The following DOCK3 variants were observed in gnomAD, a reference collection of about 807,000 sequenced individuals.
DOCK3 encodes dedicator of cytokinesis protein 3.
DOCK3 carries 60 observed loss-of-function variants against 265.6 expected under a neutral mutation model. The observed-to-expected ratio is 0.23, with a 90% CI of 0.18 to 0.28. DOCK3 has a LOEUF of 0.28. DOCK3 is among the 10% of genes least tolerant of loss of function. DOCK3 has a pLI of 1.00. For missense variants in DOCK3, 1,981 were observed against 2,594.3 expected (o/e 0.76, Z 5.14); for synonymous variants, 881 against 938.0 (o/e 0.94, Z 1.11).
At position 51,351,651 on chromosome 3, in the gene DOCK3, CTTTTTT is replaced by C. The variant is rs150338641; in HGVS notation, c.4107+1276_4107+1281del. On this transcript the variant is annotated intron_variant, in intron 40 of 52. Transcript: ENST00000266037. ...AGCAGAATGGGAATGAGTAGAGAGACTTTTTTTTTTTTTTTTTTTTTTGAGACAGAG... is the reference window on the plus strand; with the variant it reads ...AGCAGAATGGGAATGAGTAGAGAGACTTTTTTTTTTTTTTTTGAGACAGAG... Among the ~76,000 whole-genome samples the C allele has an allele frequency of 8.3e-4, 79 of 95,720 alleles. 1 individual carries two copies. Among genetic ancestry groups the C allele is most frequent in the Non-Finnish European group, 8.0e-4 (38 of 47,732 alleles). 62.8% of individuals were successfully genotyped at this position (95,720 alleles called of 152,430 possible). A position where few individuals can be genotyped will look rare whatever the true frequency, so the allele number is the denominator to read the frequency against.
intron 38 of DOCK3, among the ~76,000 whole-genome samples, chr3:51,347,273 G>C (rs1258981616): frequency 1.3e-5 from 2 of 152,064 alleles, no homozygotes; most frequent in African/African-American, 4.8e-5. Flanking sequence ...ATGGTTTTAG[G>C]CTAACATTTA....
chr3:51,168,990 A>G (rs2086543325), intron 12 of DOCK3, among the ~76,000 whole-genome samples: 1 of 151,404 alleles, frequency 6.6e-6, no homozygotes, highest in South Asian at 2.1e-4. Context: ...AAAAAAAGCT[A>G]AACATCACTG....
At chr3:50,737,427 T>A (rs2038710006) in intron 1 of DOCK3, among the ~76,000 whole-genome samples, 1 of 152,146 alleles carries the variant, frequency 6.6e-6, no homozygotes, top group Non-Finnish European at 1.5e-5. Flanking sequence ...TAAACTGTTC[T>A]TGAAGGATCC....
intron 2 of DOCK3, among the ~76,000 whole-genome samples, chr3:50,803,428 A>G (rs1423063053): frequency 6.6e-6 from 1 of 152,104 alleles, no homozygotes; most frequent in African/African-American, 2.4e-5. Context: ...AGGCAGAAGA[A>G]TTTTTCTTAG....
intron 1 of DOCK3, chr3:50,685,540 A>T (rs1036326102): frequency 1.3e-5 from 2 of 152,866 alleles, no homozygotes; most frequent in African/African-American, 4.8e-5. Context: ...CATCTATAGG[A>T]AAATTGCTAG....
intron 5 of DOCK3, among the ~76,000 whole-genome samples, chr3:50,945,255 A>C (rs1220590503): frequency 1.3e-5 from 2 of 152,120 alleles, no homozygotes; most frequent in Non-Finnish European, 2.9e-5. Context: ...TATTATTAGA[A>C]TTTTTGCTTT....
Position 50,925,890 on chromosome 3 carries a change from G to C in DOCK3, c.219-8091G>C, listed in dbSNP as rs1334217137. Among the ~76,000 whole-genome samples the C allele has an allele frequency of 4.4e-5, 6 of 135,972 alleles. No homozygotes were observed. The Admixed American group carries it at 4.7e-4, about 11-fold the overall frequency. The allele number at this position is 135,972 out of a possible 152,430, so 89.2% of individuals were successfully genotyped here. A position where few individuals can be genotyped will look rare whatever the true frequency, so the allele number is the denominator to read the frequency against. Reference sequence around the variant, plus strand: ...CTGTCGCCCAGGCTGGAGTGCAAATGACACAATCTTGGCTTACTGCTACCT... The same window carrying C: ...CTGTCGCCCAGGCTGGAGTGCAAATCACACAATCTTGGCTTACTGCTACCT... On this transcript the variant is annotated intron_variant, in intron 4 of 52. Transcript: ENST00000266037.
At position 51,356,400 on chromosome 3, in the gene DOCK3, C is replaced by T; in HGVS notation, c.4417-7C>T. The T allele has an allele frequency of 6.2e-7, 1 of 1,613,698 alleles. No individual in the cohort carries two copies. Among genetic ancestry groups the T allele is most frequent in the Non-Finnish European group, 8.5e-7 (1 of 1,179,836 alleles). On this transcript the variant is annotated splice_region_variant and splice_polypyrimidine_tract_variant and intron_variant, in intron 42 of 52. Coordinates refer to ENST00000266037, the MANE Select transcript of DOCK3 (RefSeq NM_004947.5). ...ACTGCCCATACCTGCCTGTTCCCTCCCTACAGAGCCTGTGGATTGAACGTA... is the reference window on the plus strand; with the variant it reads ...ACTGCCCATACCTGCCTGTTCCCTCTCTACAGAGCCTGTGGATTGAACGTA...
intron 2 of DOCK3, among the ~76,000 whole-genome samples, chr3:50,833,611 A>G (rs2045325357): frequency 6.6e-6 from 1 of 152,120 alleles, no homozygotes; most frequent in South Asian, 2.1e-4. Flanking sequence ...CCTTTCAGGA[A>G]TTGACATTCT....
intron 25 of DOCK3, among the ~76,000 whole-genome samples, chr3:51,276,076 A>G (rs891632342): frequency 6.6e-6 from 1 of 152,234 alleles, no homozygotes; most frequent in Non-Finnish European, 1.5e-5. Context: ...GCCAGGTGAT[A>G]AGAATATACA....
At chr3:50,761,443 G>A (rs956359728) in intron 1 of DOCK3, among the ~76,000 whole-genome samples, 5 of 152,158 alleles carry the variant, frequency 3.3e-5, no homozygotes, top group Non-Finnish European at 7.3e-5. Flanking sequence ...TGCTTTGAAA[G>A]TGGGCTGCAG....
intron 33 of DOCK3, among the ~76,000 whole-genome samples, chr3:51,330,483 T>G (rs2084441705): frequency 6.6e-6 from 1 of 152,234 alleles, no homozygotes; most frequent in African/African-American, 2.4e-5. Flanking sequence ...GATCATTGCG[T>G]GTCTTCATAA....
rs374385144 is a variant in DOCK3 at position 51,356,465 on chromosome 3, G to A, written c.4475G>A (p.Arg1492Gln). The A allele has an allele frequency of 9.3e-6, 15 of 1,613,464 alleles. No homozygotes were observed. In the African/African-American group the frequency reaches 9.3e-5, roughly 10 times the overall value. Residue 1492 changes from arginine to glutamine, a missense_variant, in exon 43 of 53, where the codon CGG becomes CAG. Around this residue, in one of 4 missense-constraint regions of DOCK3, gnomAD observed 1,357 missense variants for 1,866.8 expected, o/e 0.73. Transcript: ENST00000266037. ...ACCCACAGCTTGCCTGGCATCTCTC[G>A]GTGGTTTGAAGTGGAGAGGAGGGAA... Reference protein sequence around the residue: ...TLTHSLPGISRWFEVERRELV... With the variant: ...TLTHSLPGISQWFEVERRELV...
chr3:50,786,307 C>T (rs1038159418), intron 2 of DOCK3, among the ~76,000 whole-genome samples: 4 of 152,062 alleles, frequency 2.6e-5, no homozygotes. Context: ...TTGAAACTTA[C>T]AAAAGTCACC....
At chr3:50,969,905 C>G (rs1227877786) in intron 5 of DOCK3, among the ~76,000 whole-genome samples, 3 of 152,054 alleles carry the variant, frequency 2.0e-5, no homozygotes, top group African/African-American at 7.2e-5. Context: ...ACCATGTCTA[C>G]TAAAAATACA....
chr3:51,027,872 AT>A (rs67560588), intron 5 of DOCK3, among the ~76,000 whole-genome samples: 125,778 of 150,640 alleles, frequency 0.83, 52,858 homozygotes, highest in East Asian at 0.95. Flanking sequence ...GTTGGATCTC[AT>A]TTTTTTTTTC....
chr3:51,236,162 G>C (rs1483600385), intron 19 of DOCK3, among the ~76,000 whole-genome samples, 183 bp from the exon 20 acceptor site: 1 of 152,168 alleles, frequency 6.6e-6, no homozygotes, highest in Admixed American at 6.5e-5. Context: ...AACACCTCAA[G>C]TGCACCTAGT....
At chr3:50,779,676 G>C (rs887151309) in intron 2 of DOCK3, among the ~76,000 whole-genome samples, 5 of 152,180 alleles carry the variant, frequency 3.3e-5, no homozygotes, top group African/African-American at 1.2e-4. Context: ...GAGCCACTGC[G>C]CCTGGCCTAA....
intron 1 of DOCK3, among the ~76,000 whole-genome samples, chr3:50,767,737 C>T (rs181976807): frequency 2.6e-5 from 4 of 152,264 alleles, no homozygotes; most frequent in African/African-American, 9.6e-5. Context: ...GATATAGATT[C>T]TTCCTATCCA....
Sources: gnomAD v4.1 joint callset for allele counts (sites outside exome capture counted in the v4.1 genomes callset) on GRCh38, gnomAD v4.1.1 for gene constraint, gnomAD v4.1.1 regional missense constraint, MANE v1.5 for transcripts, NCBI Gene and HGNC (gene_info 2026-07-23, HGNC 2026-07-21) for gene names.